Variants in MMP2 observed in about 807,000 individuals in gnomAD.
MMP2 encodes the protein matrix metallopeptidase 2, also known as 72 kDa type IV collagenase.
In MMP2, 39 loss-of-function variants were observed where a neutral mutation model predicts 74.8. That is an observed-to-expected ratio of 0.52 (90% confidence interval 0.40 to 0.68). The LOEUF (loss-of-function observed/expected upper bound fraction) is 0.68, where lower values mean the gene tolerates loss of function less well. MMP2 is among the 30% of genes least tolerant of loss of function. The pLI is 0.00. For synonymous variants in MMP2, 367 were observed against 339.8 expected (o/e 1.08, Z -0.88); for missense variants, 803 against 878.3 (o/e 0.91, Z 1.08).
chr16:55,496,140 C>A (rs1567379916), intron 9 of MMP2, among the ~76,000 whole-genome samples: 1 of 152,154 alleles, frequency 6.6e-6, no homozygotes. Context: ...GGCCCCAAGC[C>A]CAGAGATTCT....
intron 10 of MMP2, among the ~76,000 whole-genome samples, chr16:55,497,884 G>T (rs529772940): frequency 1.3e-5 from 2 of 152,262 alleles, no homozygotes; most frequent in African/African-American, 2.4e-5. Context: ...GAAGATAAAG[G>T]CTCAGCCAAG....
chr16:55,494,684 A>G (rs1962492041), intron 9 of MMP2, among the ~76,000 whole-genome samples: 1 of 152,278 alleles, frequency 6.6e-6, no homozygotes, highest in African/African-American at 2.4e-5. Flanking sequence ...AAATTCTCCC[A>G]GTGATTCTGA....
In MMP2 at chr16:55,485,978, C is replaced by T. The variant is rs112413556; in HGVS notation, c.832+201C>T. ...TCTCTCCCACCAGTACCATGATGAACGTAGTACTCTAATTAAATCAAGTTG... is the reference window on the plus strand; with the variant it reads ...TCTCTCCCACCAGTACCATGATGAATGTAGTACTCTAATTAAATCAAGTTG... On this transcript the variant is annotated intron_variant, in intron 5 of 12. Transcript: ENST00000219070. Among the ~76,000 whole-genome samples, 1,088 of 152,284 alleles carry T rather than the reference C, an allele frequency of 7.1e-3. 9 individuals carry two copies. Among genetic ancestry groups the T allele is most frequent in the African/African-American group, 0.025 (1,038 of 41,554 alleles).
At chr16:55,504,237 G>A (rs1208305047) in intron 12 of MMP2, among the ~76,000 whole-genome samples, 1 of 152,126 alleles carries the variant, frequency 6.6e-6, no homozygotes, top group African/African-American at 2.4e-5. Flanking sequence ...CCAGAAATCT[G>A]TACTTCTGTG....
intron 6 of MMP2, 67 bp downstream of exon 6, chr16:55,488,783 A>C: frequency 6.6e-7 from 1 of 1,506,868 alleles, no homozygotes; most frequent in Non-Finnish European, 8.9e-7. Context: ...AAAAACCCAT[A>C]AGACTCCGAG....
chr16:55,483,605 G>C (rs556283375), intron 2 of MMP2, among the ~76,000 whole-genome samples: 1 of 152,180 alleles, frequency 6.6e-6, no homozygotes, highest in Admixed American at 6.5e-5. Context: ...ATTGGGCCAA[G>C]AGCTGTGCTC....
chr16:55,485,491 T>C, intron 4 of MMP2, 64 bp downstream of exon 4: 4 of 1,613,400 alleles, frequency 2.5e-6, no homozygotes, highest in Non-Finnish European at 3.4e-6. Flanking sequence ...CTCCATTTGC[T>C]TGGACCAGAG....
In MMP2 at chr16:55,497,062, G is replaced by GGT; in HGVS notation, c.1609+6_1609+7dup. On this transcript the variant is annotated frameshift_variant and splice_region_variant. Coordinates refer to ENST00000219070, the MANE Select transcript of MMP2 (RefSeq NM_004530.6). LOFTEE classifies it high-confidence loss of function. Reference sequence around the variant, plus strand: ...GGAGGAGAAGGCTGTGTTCTTTGCAGGTGTGTGGGAAGCACCCTTCCTTGG... The same window carrying GGT: ...GGAGGAGAAGGCTGTGTTCTTTGCAGGTGTGTGTGGGAAGCACCCTTCCTTGG... The GGT allele has an allele frequency of 6.2e-7, 1 of 1,614,112 alleles. No individual in the cohort carries two copies. Among genetic ancestry groups the GGT allele is most frequent in the Non-Finnish European group, 8.5e-7 (1 of 1,180,036 alleles).
intron 8 of MMP2, among the ~76,000 whole-genome samples, chr16:55,492,559 G>A (rs1226387956): frequency 6.6e-6 from 1 of 151,808 alleles, no homozygotes; most frequent in Non-Finnish European, 1.5e-5. Flanking sequence ...ATCTGAGCCA[G>A]GCCAAAATAG....
At chr16:55,504,316 G>C (rs1962742719) in intron 12 of MMP2, among the ~76,000 whole-genome samples, 1 of 152,210 alleles carries the variant, frequency 6.6e-6, no homozygotes, top group Admixed American at 6.5e-5. Context: ...AAACTTGTGA[G>C]AGTCAAATAA....
chr16:55,499,866 C>T (rs978755567), intron 11 of MMP2, among the ~76,000 whole-genome samples: 5 of 152,084 alleles, frequency 3.3e-5, no homozygotes, highest in Non-Finnish European at 5.9e-5. Context: ...TCCCCTCCCT[C>T]CTGGTATCCC....
intron 5 of MMP2, 88 bp downstream of exon 5, chr16:55,485,865 C>A: frequency 7.1e-7 from 1 of 1,402,590 alleles, no homozygotes; most frequent in Non-Finnish European, 1.0e-6. Flanking sequence ...CCACACTCTC[C>A]AGGACTGGCT....
At chr16:55,496,702 T>A (rs1596823154) in intron 9 of MMP2, among the ~76,000 whole-genome samples, 1 of 151,818 alleles carries the variant, frequency 6.6e-6, no homozygotes, top group African/African-American at 2.4e-5. Context: ...CTGGAGGAGG[T>A]AGAGGGAGAG....
chr16:55,491,808 C>A lies in MMP2; in HGVS notation c.1188C>A (p.Ser396Arg), dbSNP rs200772153. The change falls in exon 8 of 13, where the codon AGC (serine) becomes AGA (arginine). Residue 396 changes from serine (S) to arginine (R), a missense_variant. This residue lies in a region of MMP2 where 555 missense variants were observed against 592.0 expected (regional missense o/e 0.94). Transcript: ENST00000219070. ...CCTCCCTGCAACCCTCAGGGTACAG[C>A]CTGTTCCTCGTGGCAGCCCACGAGT... ...KWGFCPDQGY[S>R]LFLVAAHEFG... 90 of 1,614,122 alleles carry A rather than the reference C, an allele frequency of 5.6e-5. No individual in the cohort carries two copies. Among genetic ancestry groups the A allele is most frequent in the Non-Finnish European group, 1.7e-6 (2 of 1,180,050 alleles).
intron 10 of MMP2, among the ~76,000 whole-genome samples, chr16:55,497,841 G>A (rs562261111): frequency 6.6e-6 from 1 of 152,288 alleles, no homozygotes; most frequent in East Asian, 1.9e-4. Flanking sequence ...GGATTTAGGA[G>A]GTCCCTGTCC....
intron 12 of MMP2, among the ~76,000 whole-genome samples, chr16:55,504,795 G>A (rs1962755509): frequency 6.6e-6 from 1 of 151,840 alleles, no homozygotes; most frequent in Non-Finnish European, 1.5e-5. Context: ...TGGGACTACA[G>A]GCGCCTACCA....
rs59727333 is a variant in MMP2 at position 55,491,847 on chromosome 16, G to A, written c.1227G>A (p.Met409Ile). The change falls in exon 8 of 13, where the codon ATG (methionine) becomes ATA (isoleucine). Residue 409 changes from methionine to isoleucine, a missense_variant. Physicochemically the swap from Met to Ile is conservative, Grantham distance 10 (BLOSUM62 1). Around this residue, in one of 3 missense-constraint regions of MMP2, gnomAD observed 555 missense variants for 592.0 expected, o/e 0.94. Coordinates refer to ENST00000219070, the MANE Select transcript of MMP2 (RefSeq NM_004530.6). ...CAGCCCACGAGTTTGGCCACGCCAT[G>A]GGGCTGGAGCACTCCCAAGACCCTG... Reference protein sequence around the residue: ...LVAAHEFGHAMGLEHSQDPGA... With the variant: ...LVAAHEFGHAIGLEHSQDPGA... 1,624 of 1,614,168 alleles carry A rather than the reference G, an allele frequency of 1.0e-3. 12 individuals are homozygous for A. In the African/African-American group the frequency reaches 0.019, roughly 19 times the overall value.
chr16:55,491,901 C>T lies in MMP2; in HGVS notation c.1281C>T (p.Tyr427=). The T allele has an allele frequency of 6.2e-7, 1 of 1,614,154 alleles. No individual in the cohort carries two copies. The highest frequency in any genetic ancestry group is 8.5e-7 in the Non-Finnish European group (1 of 1,180,034). The change falls in exon 8 of 13, where the codon TAC becomes TAT. Residue 427 remains tyrosine, a synonymous_variant. Transcript: ENST00000219070. ...CCCTGATGGCACCCATTTACACCTA[C>T]ACCAAGAACTTCCGTCTGTCCCAGG... ...PGALMAPIYT[Y]TKNFRLSQDD...
intron 4 of MMP2, 86 bp from the exon 5 acceptor site, chr16:55,485,518 A>G (rs1490257691): frequency 6.2e-7 from 1 of 1,611,746 alleles, no homozygotes; most frequent in African/African-American, 1.3e-5. Context: ...GAGGGGAGGA[A>G]AGTCACACAT....
Sources: gnomAD v4.1 joint callset for allele counts (sites outside exome capture counted in the v4.1 genomes callset) on GRCh38, gnomAD v4.1.1 for gene constraint, gnomAD v4.1.1 regional missense constraint, MANE v1.5 for transcripts, NCBI Gene and HGNC (gene_info 2026-07-23, HGNC 2026-07-21) for gene names.